RERE: variants seen among roughly 807,000 people sequenced by gnomAD.
RERE encodes the protein arginine-glutamic acid dipeptide repeats protein.
A neutral mutation model predicts 146.1 loss-of-function variants in RERE; 40 were observed. The observed-to-expected ratio is 0.27, with a 90% CI of 0.21 to 0.36. RERE has a LOEUF of 0.36. Among genes scored for constraint, RERE ranks in the 10% least tolerant of loss-of-function variants. The pLI is 1.00. For missense variants in RERE, 1,933 were observed against 2,138.7 expected (o/e 0.90, Z 1.90); for synonymous variants, 1,003 against 866.0 (o/e 1.16, Z -2.78).
At chr1:8,457,377 T>G (rs545734130) in intron 11 of RERE, among the ~76,000 whole-genome samples, 56 of 152,248 alleles carry the variant, frequency 3.7e-4, no homozygotes, top group African/African-American at 9.9e-4. Flanking sequence ...CACACTAGAA[T>G]TCACCTATAT....
Position 8,353,309 on chromosome 1 carries a change from G to T in RERE, c.*1778C>A, listed in dbSNP as rs1641166196. 6.6e-6 allele frequency: 1 copy of T among 152,318 alleles called. No individual in the cohort carries two copies. The allele number at this position is 152,318 out of a possible 1,614,324, so 9.4% of individuals were successfully genotyped here. ...CAAACACGGTTTTTAAGAGAAACTG[G>T]AAATGTCGCTATTTGACGCCAGAAC... is the stretch of plus-strand genomic sequence containing the variant. On this transcript the variant is annotated 3_prime_UTR_variant, in exon 23 of 23. Transcript: ENST00000400908.
At chr1:8,406,774 A>T (rs1419687366) in intron 12 of RERE, among the ~76,000 whole-genome samples, 2 of 149,276 alleles carry the variant, frequency 1.3e-5, no homozygotes, top group African/African-American at 2.5e-5. Flanking sequence ...TTGAGAATTT[A>T]GAATTCTCTT....
At chr1:8,421,804 G>A (rs1643913734) in intron 12 of RERE, among the ~76,000 whole-genome samples, 1 of 152,144 alleles carries the variant, frequency 6.6e-6, no homozygotes, top group Non-Finnish European at 1.5e-5. Flanking sequence ...CCCTAAAAAA[G>A]CAGCTCAATG....
intron 12 of RERE, among the ~76,000 whole-genome samples, chr1:8,385,994 ATATATATATAT>A (rs1196578291): frequency 3.2e-4 from 7 of 22,186 alleles, no homozygotes; most frequent in Non-Finnish European, 4.9e-4. Flanking sequence ...AAAAAAAAAA[ATATATATATAT>A]ATATATATAT....
intron 1 of RERE, among the ~76,000 whole-genome samples, chr1:8,660,229 G>C (rs1300893509): frequency 6.6e-6 from 1 of 151,944 alleles, no homozygotes; most frequent in African/African-American, 2.4e-5. Flanking sequence ...TTTCCTCTAT[G>C]TTTAGCATAT....
At chr1:8,451,835 G>A (rs939114901) in intron 11 of RERE, among the ~76,000 whole-genome samples, 1 of 152,080 alleles carries the variant, frequency 6.6e-6, no homozygotes, top group Non-Finnish European at 1.5e-5. Context: ...TTTACAAGAC[G>A]TCCTCAGCCC....
intron 1 of RERE, among the ~76,000 whole-genome samples, chr1:8,678,682 G>GA (rs1557476229): frequency 6.6e-6 from 1 of 151,764 alleles, no homozygotes; most frequent in African/African-American, 2.4e-5. Context: ...GCGACAGAGC[G>GA]AGACTCCATC....
In RERE at chr1:8,576,152, A is replaced by G. The variant is rs147438881; in HGVS notation, c.523-18629T>C. The stretch of plus-strand genomic sequence containing the variant: ...GAAAATGTCCTTGTAAGAAACACAC[A>G]TCCATTATGTATCAGTGTGTAAAGG... On this transcript the variant is annotated intron_variant, in intron 4 of 22. Coordinates refer to ENST00000400908, the MANE Select transcript of RERE (RefSeq NM_001042681.2). 4.1e-3 allele frequency among the ~76,000 whole-genome samples: 621 copies of G among 152,036 alleles called. 5 individuals are homozygous for G. The highest frequency in any genetic ancestry group is 0.014 in the African/African-American group (595 of 41,450).
At position 8,508,604 on chromosome 1, in the gene RERE, G is replaced by A. The variant is rs11804094; in HGVS notation, c.879+23C>T. On this transcript the variant is annotated intron_variant, in intron 8 of 22. Coordinates refer to ENST00000400908, the MANE Select transcript of RERE (RefSeq NM_001042681.2). ...TAATAAGAAACAAAAACCTATTAAG[G>A]AAGCTATGAAAATGAACTTCACCTG... 5.3e-3 allele frequency: 8,314 copies of A among 1,577,944 alleles called. 340 individuals carry two copies. In the African/African-American group the frequency reaches 0.098, roughly 19 times the overall value.
chr1:8,564,832 A>ATG (rs567556868), intron 4 of RERE, among the ~76,000 whole-genome samples: 3,092 of 138,988 alleles, frequency 0.022, 45 homozygotes, highest in Middle Eastern at 0.094. Context: ...GTATATGTGT[A>ATG]TGTGTGTGTG....
intron 1 of RERE, among the ~76,000 whole-genome samples, chr1:8,734,493 A>G (rs1314009616): frequency 6.6e-6 from 1 of 152,178 alleles, no homozygotes; most frequent in Non-Finnish European, 1.5e-5. Context: ...CATTGTCTGC[A>G]CTACATCTAC....
chr1:8,421,033 C>T (rs1041947694), intron 12 of RERE, among the ~76,000 whole-genome samples: 5 of 152,316 alleles, frequency 3.3e-5, no homozygotes, highest in East Asian at 1.9e-4. Context: ...GTAAAATTAC[C>T]GAGCATTTCC....
intron 12 of RERE, among the ~76,000 whole-genome samples, chr1:8,394,634 A>T (rs1642989651): frequency 6.6e-6 from 1 of 152,212 alleles, no homozygotes; most frequent in African/African-American, 2.4e-5. Flanking sequence ...CACATCACTC[A>T]GTGCTGGAGA....
chr1:8,717,321 C>T (rs149692484), intron 1 of RERE, among the ~76,000 whole-genome samples: 2,394 of 152,304 alleles, frequency 0.016, 28 homozygotes, highest in Middle Eastern at 0.031. Flanking sequence ...TGGTAGTTTT[C>T]AGTATTTCTC....
intron 2 of RERE, among the ~76,000 whole-genome samples, chr1:8,643,554 C>T (rs1344074169): frequency 1.3e-5 from 2 of 152,192 alleles, no homozygotes; most frequent in East Asian, 1.9e-4. Flanking sequence ...AATCAGATGG[C>T]TATTTTGTTA....
At chr1:8,460,233 G>C (rs1644509263) in intron 11 of RERE, among the ~76,000 whole-genome samples, 1 of 152,130 alleles carries the variant, frequency 6.6e-6, no homozygotes, top group South Asian at 2.1e-4. Flanking sequence ...TGAAAAGAGT[G>C]AACAATGAAA....
chr1:8,579,349 T>C (rs1165033245), intron 4 of RERE, among the ~76,000 whole-genome samples: 1 of 152,178 alleles, frequency 6.6e-6, no homozygotes, highest in African/African-American at 2.4e-5. Context: ...ACTAACCTAT[T>C]AACAATATTA....
intron 11 of RERE, among the ~76,000 whole-genome samples, chr1:8,434,353 T>TA (rs1644138731): frequency 6.6e-6 from 1 of 152,194 alleles, no homozygotes. Context: ...ATGAGAAAGC[T>TA]AGAAAGAAGC....
chr1:8,415,228 A>G (rs548185324), intron 12 of RERE, among the ~76,000 whole-genome samples: 1 of 152,374 alleles, frequency 6.6e-6, no homozygotes, highest in East Asian at 1.9e-4. Flanking sequence ...AGCAACCACA[A>G]CTTGTAAGTC....
Sources: allele counts gnomAD v4.1 joint callset (sites outside exome capture counted in the v4.1 genomes callset), GRCh38; gene constraint gnomAD v4.1.1; transcripts MANE v1.5; gene names NCBI Gene and HGNC (gene_info 2026-07-23, HGNC 2026-07-21).